The following OGT variants were observed in gnomAD, a reference collection of about 807,000 sequenced individuals.
OGT encodes the protein UDP-N-acetylglucosamine--peptide N-acetylglucosaminyltransferase 110 kDa subunit.
OGT carries 3 observed loss-of-function variants against 75.8 expected under a neutral mutation model. The observed-to-expected ratio is 0.04, with a 90% confidence interval of 0.02 to 0.10. The LOEUF is 0.10. Ranked by LOEUF, OGT falls within the 10% of genes least tolerant of loss-of-function variation. OGT has a pLI of 1.00. For synonymous variants in OGT, 257 were observed against 289.7 expected, an observed-to-expected ratio of 0.89 and a Z score of 1.15; for missense variants, 260 against 824.4, an observed-to-expected ratio of 0.32 and a Z score of 8.38.
At position 71,561,539 on chromosome X, in the gene OGT, A is replaced by G. The variant is rs779119502; in HGVS notation, c.1852-236A>G. On this transcript the variant is annotated intron_variant, in intron 14 of 21. Transcript: ENST00000373719. ...GTTGTTATTCATACATTCAATCCAGAAGTGAACTCTCCTTCCTTTGTGTTC... is the reference window on the plus strand; with the variant it reads ...GTTGTTATTCATACATTCAATCCAGGAGTGAACTCTCCTTCCTTTGTGTTC... Among the ~76,000 whole-genome samples the G allele has an allele frequency of 9.0e-5, 10 of 110,924 alleles. No individual in the cohort carries two copies. In the East Asian group the frequency reaches 2.8e-3, roughly 31 times the overall value.
chrX:71,575,422 T>C lies in OGT; in HGVS notation c.*1628T>C, dbSNP rs1474580528. The stretch of plus-strand genomic sequence containing the variant: ...CAGAATTACATGTTAATGAACAGTG[T>C]ACCTTTTAACAGTGTAAATCACGGA... On this transcript the variant is annotated 3_prime_UTR_variant, in exon 22 of 22. Transcript: ENST00000373719. 3 of 112,979 alleles carry C rather than the reference T, an allele frequency of 2.7e-5. No individual in the cohort carries two copies. Among genetic ancestry groups the C allele is most frequent in the African/African-American group, 9.7e-5 (3 of 31,044 alleles). 9.3% of individuals were successfully genotyped at this position (112,979 alleles called of 1,213,427 possible).
At position 71,573,620 on chromosome X, in the gene OGT, C is replaced by T. The variant is rs1482241482; in HGVS notation, c.2967C>T (p.Tyr989=). Residue 989 remains tyrosine (Y), a splice_region_variant and synonymous_variant, in exon 22 of 22, where the codon TAC becomes TAT. Coordinates refer to ENST00000373719, the MANE Select transcript of OGT (RefSeq NM_181672.3). Reference sequence around the variant, plus strand: ...TGGGTTCTTGTTTTTTATTACCCAGCCTGAAGAAAGTTCGTGGCAAAGTCT... The same window carrying T: ...TGGGTTCTTGTTTTTTATTACCCAGTCTGAAGAAAGTTCGTGGCAAAGTCT... ...IAVKLGTDLE[Y]LKKVRGKVWK... 8.4e-7 allele frequency: 1 copy of T among 1,187,199 alleles called. No individual in the cohort carries two copies.
rs376605851 is a variant in OGT, at chrX:71,555,134, TTGTGTGTGTGTGTG to T, written c.729-24_729-11del. On this transcript the variant is annotated intron_variant, in intron 6 of 21. Transcript: ENST00000373719. ...CCATCCATTAAGCATGAGTTACATT[TTGTGTGTGTGTGTG>T]TGTGTGTGTGTGTGTGTGTGTGTGT... 274 of 533,671 alleles carry T rather than the reference TTGTGTGTGTGTGTG, an allele frequency of 5.1e-4. 1 individual carries two copies. The highest frequency in any genetic ancestry group is 2.2e-3 in the African/African-American group (74 of 33,878). The allele number at this position is 533,671 out of a possible 1,213,427, so 44.0% of individuals were successfully genotyped here.
intron 3 of OGT, 135 bp from the exon 4 acceptor site, chrX:71,544,432 G>A: frequency 1.8e-6 from 1 of 567,618 alleles, no homozygotes; most frequent in Non-Finnish European, 2.8e-6. Flanking sequence ...TTGTGGTCCT[G>A]CACTGAAGTT....
chrX:71,566,838 T>C (rs1212614412), intron 19 of OGT, among the ~76,000 whole-genome samples: 1 of 112,659 alleles, frequency 8.9e-6, no homozygotes, highest in Non-Finnish European at 1.9e-5. Flanking sequence ...TATTCTGAAT[T>C]TGGAAATTCA....
intron 8 of OGT, chrX:71,556,447 T>G: frequency 2.7e-6 from 1 of 365,681 alleles, no homozygotes; most frequent in Non-Finnish European, 4.7e-6. Context: ...TTCAGTGGTG[T>G]TGGAGTGGTC....
chrX:71,543,338 A>G (rs1008115050), intron 3 of OGT, among the ~76,000 whole-genome samples: 1 of 111,598 alleles, frequency 9.0e-6, no homozygotes, highest in Non-Finnish European at 1.9e-5. Context: ...TGACAATGGC[A>G]AAATAGGGCA....
At chrX:71,546,617 T>A in intron 4 of OGT, 1 of 727,215 alleles carries the variant, frequency 1.4e-6, no homozygotes, top group South Asian at 7.0e-5. Flanking sequence ...TGTTTTATAC[T>A]ATAGCCACAA....
intron 6 of OGT, 74 bp downstream of exon 6, chrX:71,554,666 G>A: frequency 1.3e-6 from 1 of 792,358 alleles, no homozygotes; most frequent in South Asian, 2.2e-5. Context: ...GGACCGAAAT[G>A]ATGACAATAG....
intron 4 of OGT, chrX:71,547,536 T>A: frequency 6.3e-6 from 5 of 792,893 alleles, no homozygotes; most frequent in Non-Finnish European, 7.5e-6. Flanking sequence ...TTGCGCCCTC[T>A]AGGTAGCACT....
At chrX:71,542,583 C>T (rs938102521) in intron 3 of OGT, among the ~76,000 whole-genome samples, 1 of 111,748 alleles carries the variant, frequency 8.9e-6, no homozygotes, top group Non-Finnish European at 1.9e-5. Flanking sequence ...TAAAATTACG[C>T]AACAGCTGGC....
At chrX:71,570,220 T>C (rs2040448137) in intron 21 of OGT, among the ~76,000 whole-genome samples, 2 of 105,836 alleles carry the variant, frequency 1.9e-5, no homozygotes, top group Non-Finnish European at 3.9e-5. Flanking sequence ...TTTGTATTTT[T>C]AGTGGAGGCT....
At chrX:71,538,536 CTTCTCT>C (rs1282507977) in intron 3 of OGT, among the ~76,000 whole-genome samples, 1 of 112,246 alleles carries the variant, frequency 8.9e-6, no homozygotes, top group Non-Finnish European at 1.9e-5. Flanking sequence ...ATCCTATTCT[CTTCTCT>C]TTCAATGTAA....
At position 71,574,093 on chromosome X, in the gene OGT, G is replaced by T. The variant is rs2040476811; in HGVS notation, c.*299G>T. Reference sequence around the variant, plus strand: ...CATGGGATGGTTAGTGTGGAGGGGAGATATAGATTGTCCGGCCGCTTTGTG... The same window carrying T: ...CATGGGATGGTTAGTGTGGAGGGGATATATAGATTGTCCGGCCGCTTTGTG... On this transcript the variant is annotated 3_prime_UTR_variant, in exon 22 of 22. Coordinates refer to ENST00000373719, the MANE Select transcript of OGT (RefSeq NM_181672.3). 6.0e-6 allele frequency: 1 copy of T among 167,284 alleles called. No individual in the cohort carries two copies. The highest frequency in any genetic ancestry group is 7.9e-5 in the Admixed American group (1 of 12,717). The allele number at this position is 167,284 out of a possible 1,213,427, so 13.8% of individuals were successfully genotyped here.
At chrX:71,551,833 T>C (rs1262791998) in intron 5 of OGT, among the ~76,000 whole-genome samples, 2 of 111,305 alleles carry the variant, frequency 1.8e-5, no homozygotes, top group East Asian at 2.8e-4. Context: ...AAGGACACCA[T>C]AGGGATGCAG....
intron 5 of OGT, among the ~76,000 whole-genome samples, chrX:71,548,481 A>G (rs1034877972): frequency 9.0e-6 from 1 of 111,673 alleles, no homozygotes; most frequent in African/African-American, 3.3e-5. Flanking sequence ...ATGCATGCGT[A>G]TGTTCATCAC....
rs2040406352 is a variant in OGT at position 71,564,880 on chromosome X, G to A, written c.2589+127G>A. ...TCTTTTTAAAATTTTTTTTTGGCTG[G>A]GTGCAGTGGCTCACGCCTGTAATCC... is the stretch of plus-strand genomic sequence containing the variant. On this transcript the variant is annotated intron_variant, in intron 19 of 21. Coordinates refer to ENST00000373719, the MANE Select transcript of OGT (RefSeq NM_181672.3). The A allele has an allele frequency of 8.2e-6, 4 of 489,550 alleles. No homozygotes were observed. In the South Asian group the frequency reaches 1.7e-4, roughly 20 times the overall value. The allele number at this position is 489,550 out of a possible 1,213,427, so 40.3% of individuals were successfully genotyped here. A position where few individuals can be genotyped will look rare whatever the true frequency, so the allele number is the denominator to read the frequency against.
intron 5 of OGT, among the ~76,000 whole-genome samples, chrX:71,548,353 C>G (rs2040276546): frequency 9.0e-6 from 1 of 111,576 alleles, no homozygotes; most frequent in Non-Finnish European, 1.9e-5. Flanking sequence ...AGGAGGATCA[C>G]TTGAGCCCAG....
chrX:71,546,213 T>C, intron 4 of OGT: 2 of 753,523 alleles, frequency 2.7e-6, no homozygotes, highest in South Asian at 1.3e-4. Context: ...TATTACAGAC[T>C]TGAGACTGTC....
Sources: allele counts gnomAD v4.1 joint callset (sites outside exome capture counted in the v4.1 genomes callset), GRCh38; gene constraint gnomAD v4.1.1; transcripts MANE v1.5; gene names NCBI Gene and HGNC (gene_info 2026-07-23, HGNC 2026-07-21).